ZNF723: variants seen among roughly 807,000 people sequenced by gnomAD.
The protein encoded by ZNF723 is zinc finger protein 723.
A neutral mutation model predicts 9.4 loss-of-function variants in ZNF723; 5 were observed. The observed-to-expected ratio is 0.53, with a 90% CI of 0.28 to 1.12. ZNF723 has a LOEUF of 1.12. Ranked by LOEUF, ZNF723 falls within the 50% of genes most tolerant of loss-of-function variation. ZNF723 has a pLI of 0.10. For missense variants in ZNF723, 450 were observed against 501.5 expected, an observed-to-expected ratio of 0.90 and a Z score of 0.98; for synonymous variants, 158 against 168.8, an observed-to-expected ratio of 0.94 and a Z score of 0.49.
chr19:22,822,079 C>T, the ZNF723 span, among the ~76,000 whole-genome samples: 1 of 152,184 alleles, frequency 6.6e-6, no homozygotes, highest in East Asian at 1.9e-4. Flanking sequence ...CATCGTACTC[C>T]AGTCTGGGTG....
intron 1 of ZNF723, among the ~76,000 whole-genome samples, chr19:22,842,666 C>T (rs1967263486): frequency 6.6e-6 from 1 of 152,136 alleles, no homozygotes; most frequent in African/African-American, 2.4e-5. Context: ...TTTAGGTAGA[C>T]ATATCTTTCA....
upstream of ZNF723, among the ~76,000 whole-genome samples, chr19:22,827,941 G>A (rs1278527417): frequency 6.6e-6 from 1 of 152,056 alleles, no homozygotes; most frequent in Admixed American, 6.5e-5. Context: ...TTAGCTGGGT[G>A]TGGTGGCACA....
rs777911160 is a variant in ZNF723 at position 22,832,316 on chromosome 19, C to T, written c.-64C>T. ...CTTTTGAGTTCCTGGTCTCTGTGGC[C>T]TCCTGACCTACATGCATTGGGAGAT... On this transcript the variant is annotated 5_prime_UTR_variant, in exon 1 of 4. Coordinates refer to ENST00000600766, the MANE Select transcript of ZNF723 (RefSeq NM_001349726.2). The T allele has an allele frequency of 5.3e-5, 71 of 1,340,288 alleles. No individual in the cohort carries two copies. The African/African-American group carries it at 9.5e-4, about 18-fold the overall frequency. The allele number at this position is 1,340,288 out of a possible 1,614,324, so 83.0% of individuals were successfully genotyped here.
At chr19:22,833,163 C>CT (rs954076001) in intron 1 of ZNF723, among the ~76,000 whole-genome samples, 9 of 150,822 alleles carry the variant, frequency 6.0e-5, no homozygotes, top group African/African-American at 1.7e-4. Flanking sequence ...TCTTTTTTTT[C>CT]TTTTTTTGAG....
At chr19:22,832,256 G>A (rs894106391), upstream of ZNF723, 21 of 1,061,410 alleles carry the variant, frequency 2.0e-5, no homozygotes, top group Middle Eastern at 5.3e-4. Flanking sequence ...CCCGCAGCTA[G>A]AGCGGACAGG....
At chr19:22,821,956 A>G in the ZNF723 span, among the ~76,000 whole-genome samples, 2 of 152,136 alleles carry the variant, frequency 1.3e-5, no homozygotes, top group Non-Finnish European at 2.9e-5. Context: ...TAAAAATACA[A>G]AAAATTAGCC....
intron 3 of ZNF723, among the ~76,000 whole-genome samples, chr19:22,854,083 T>TA (rs1967436140): frequency 8.7e-6 from 1 of 115,504 alleles, no homozygotes; most frequent in Non-Finnish European, 1.9e-5. Context: ...CTACTATAAT[T>TA]ATATTGCTCT....
rs139267124 is a variant in ZNF723 at position 22,838,058 on chromosome 19, G to T, written c.3+5676G>T. 2.7e-4 allele frequency among the ~76,000 whole-genome samples: 41 copies of T among 152,270 alleles called. No individual in the cohort carries two copies. The East Asian group carries it at 7.3e-3, about 27-fold the overall frequency. Reference sequence around the variant, plus strand: ...TTATTTTTGTTTTAGGGGTACACGTGCAGGTTTACTATATAGGTAAAATTG... The same window carrying T: ...TTATTTTTGTTTTAGGGGTACACGTTCAGGTTTACTATATAGGTAAAATTG... On this transcript the variant is annotated intron_variant, in intron 1 of 3. Transcript: ENST00000600766.
At chr19:22,836,380 T>TA (rs201935561) in intron 1 of ZNF723, among the ~76,000 whole-genome samples, 275 of 151,670 alleles carry the variant, frequency 1.8e-3, no homozygotes, top group African/African-American at 6.1e-3. Context: ...CAGATTTATG[T>TA]AAAAAAAAAT....
At chr19:22,823,824 G>A in the ZNF723 span, among the ~76,000 whole-genome samples, 2 of 152,184 alleles carry the variant, frequency 1.3e-5, no homozygotes, top group African/African-American at 4.8e-5. Context: ...CTCCTCTTGT[G>A]CCTAGGCCTT....
the ZNF723 span, among the ~76,000 whole-genome samples, chr19:22,813,977 A>T: frequency 6.6e-6 from 1 of 151,640 alleles, no homozygotes; most frequent in Admixed American, 6.6e-5. Context: ...AAGCCCGGCT[A>T]ATTTTTGTAT....
chr19:22,847,506 A>T (rs747548328), intron 1 of ZNF723, among the ~76,000 whole-genome samples: 8 of 150,622 alleles, frequency 5.3e-5, no homozygotes, highest in Non-Finnish European at 1.0e-4. Flanking sequence ...TCAGAAACTC[A>T]GACTTTATTC....
the ZNF723 span, among the ~76,000 whole-genome samples, chr19:22,821,736 A>T: frequency 2.0e-5 from 3 of 152,068 alleles, no homozygotes; most frequent in Admixed American, 6.6e-5. Flanking sequence ...AGTAATTTTG[A>T]CTCTCTTAGC....
At chr19:22,844,281 A>T (rs1408161636) in intron 1 of ZNF723, among the ~76,000 whole-genome samples, 1 of 142,750 alleles carries the variant, frequency 7.0e-6, no homozygotes, top group Non-Finnish European at 1.5e-5. Flanking sequence ...CACTAGTCAC[A>T]CAAAAAAAAT....
At chr19:22,845,909 G>GTTTTTTTTTTTTTTT (rs1599476419) in intron 1 of ZNF723, among the ~76,000 whole-genome samples, 1 of 75,284 alleles carries the variant, frequency 1.3e-5, no homozygotes, top group Admixed American at 1.3e-4. Flanking sequence ...TTTTTTTTTA[G>GTTTTTTTTTTTTTTT]CTAAACACAT....
chr19:22,816,878 A>G, the ZNF723 span, among the ~76,000 whole-genome samples: 1 of 152,218 alleles, frequency 6.6e-6, no homozygotes, highest in African/African-American at 2.4e-5. Context: ...ATAGTGTGAC[A>G]TATCTTTGGG....
upstream of ZNF723, among the ~76,000 whole-genome samples, chr19:22,829,627 A>G (rs1205754738): frequency 6.6e-6 from 1 of 152,206 alleles, no homozygotes; most frequent in African/African-American, 2.4e-5. Context: ...ATCAATATCT[A>G]AAGTTTTGAT....
In ZNF723 at chr19:22,855,122, A is replaced by G. The variant is rs191713960; in HGVS notation, c.227-1996A>G. ...ATTCTTTAAATTTTATAGAATAATT[A>G]CAAATGTTTTCTGCACCGTTATAAC... On this transcript the variant is annotated intron_variant, in intron 3 of 3. Transcript: ENST00000600766. Among the ~76,000 whole-genome samples, 12 of 152,256 alleles carry G rather than the reference A, an allele frequency of 7.9e-5. No individual in the cohort carries two copies. In the East Asian group the frequency reaches 2.1e-3, roughly 27 times the overall value.
intron 1 of ZNF723, among the ~76,000 whole-genome samples, chr19:22,846,606 C>T (rs1967312299): frequency 6.6e-6 from 1 of 151,956 alleles, no homozygotes; most frequent in Non-Finnish European, 1.5e-5. Context: ...CTGGATGACA[C>T]AATGAGACTC....
Sources: allele counts gnomAD v4.1 joint callset (sites outside exome capture counted in the v4.1 genomes callset), GRCh38; gene constraint gnomAD v4.1.1; transcripts MANE v1.5; gene names NCBI Gene and HGNC (gene_info 2026-07-23, HGNC 2026-07-21).